ADAR: variants seen among roughly 807,000 people sequenced by gnomAD.
ADAR encodes double-stranded RNA-specific adenosine deaminase.
In ADAR, 41 loss-of-function variants were observed where a neutral mutation model predicts 113.2. The ratio of observed to expected loss-of-function variants is 0.36; its 90% CI spans 0.28 to 0.47. ADAR has a LOEUF of 0.47. ADAR is among the 20% of genes least tolerant of loss of function. ADAR has a pLI of 1.00. For missense variants in ADAR, 1,242 were observed against 1,540.9 expected, an observed-to-expected ratio of 0.81 and a Z score of 3.25; for synonymous variants, 605 against 572.6, an observed-to-expected ratio of 1.06 and a Z score of -0.81.
At chr1:154,625,091 C>T (rs1442121813) in intron 1 of ADAR, among the ~76,000 whole-genome samples, 4 of 152,180 alleles carry the variant, frequency 2.6e-5, no homozygotes, top group Non-Finnish European at 4.4e-5. Flanking sequence ...GCACAGTGTA[C>T]CCATGAGCCT....
chr1:154,602,202 AG>A lies in ADAR; in HGVS notation c.439del (p.Leu147TrpfsTer65), dbSNP rs1226569632. On this transcript the variant is annotated frameshift_variant, in exon 2 of 15. Coordinates refer to ENST00000368474, the MANE Select transcript of ADAR (RefSeq NM_001111.5). LOFTEE classifies it high-confidence loss of function. ...QDQEQRILKFLEELGEGKATT... is the reference protein window; with the variant it reads ...QDQEQRILKFXEELGEGKATT... Reference sequence around the variant, plus strand: ...GGCCTTCCCTTCCCCAAGCTCTTCCAGGAACTTTAAGATCCTTTGTTCCTGA... The same window carrying A: ...GGCCTTCCCTTCCCCAAGCTCTTCCAGAACTTTAAGATCCTTTGTTCCTGA... 4 of 1,614,162 alleles carry A rather than the reference AG, an allele frequency of 2.5e-6. No homozygotes were observed. The highest frequency in any genetic ancestry group is 3.4e-6 in the Non-Finnish European group (4 of 1,180,026).
intron 9 of ADAR, 91 bp downstream of exon 9, chr1:154,589,278 G>A: frequency 1.0e-6 from 1 of 986,112 alleles, no homozygotes; most frequent in South Asian, 1.3e-5. Context: ...CTGTCTGAGG[G>A]GGATTCAGAG....
At chr1:154,627,825 G>A (rs1054030800) in intron 1 of ADAR, 1 of 516,892 alleles carries the variant, frequency 1.9e-6, no homozygotes, top group Non-Finnish European at 3.8e-6. Flanking sequence ...AGCCCAGGCA[G>A]GTGTAGCCGA....
chr1:154,598,374 T>C lies in ADAR; in HGVS notation c.1785+28A>G, dbSNP rs201449165. On this transcript the variant is annotated intron_variant, in intron 3 of 14. Coordinates refer to ENST00000368474, the MANE Select transcript of ADAR (RefSeq NM_001111.5). ...AATCCAGACACTGACAGGGAACTGA[T>C]CCTCCCAGATGGCAGGAGGACACCT... is the stretch of plus-strand genomic sequence containing the variant. 5.6e-5 allele frequency: 90 copies of C among 1,610,826 alleles called. No individual in the cohort carries two copies. The African/African-American group carries it at 1.2e-3, about 21-fold the overall frequency.
At chr1:154,615,222 T>G (rs1698600344) in intron 1 of ADAR, among the ~76,000 whole-genome samples, 1 of 152,172 alleles carries the variant, frequency 6.6e-6, no homozygotes, top group Non-Finnish European at 1.5e-5. Context: ...TTTGTGGTTA[T>G]TTTTTTACAG....
At chr1:154,592,525 C>T (rs565882960) in intron 6 of ADAR, among the ~76,000 whole-genome samples, 4 of 152,120 alleles carry the variant, frequency 2.6e-5, no homozygotes, top group East Asian at 1.9e-4. Flanking sequence ...AGAGTGCTGA[C>T]GCTGGAGGTG....
Position 154,608,126 on chromosome 1 carries a change from C to A in ADAR, c.-120G>T. The stretch of plus-strand genomic sequence containing the variant: ...CGCTACTCCGCACTGGAAGTGGCCC[C>A]GGGGCGTCGGCACGGGAAACTCCGC... On this transcript the variant is annotated 5_prime_UTR_variant, in exon 1 of 15. Transcript: ENST00000368474. The A allele has an allele frequency of 7.7e-7, 1 of 1,301,974 alleles. No homozygotes were observed. Among genetic ancestry groups the A allele is most frequent in the South Asian group, 1.7e-5 (1 of 60,532 alleles). 80.7% of individuals were successfully genotyped at this position (1,301,974 alleles called of 1,614,324 possible).
Position 154,608,148 on chromosome 1 carries a change from C to A in ADAR, c.-142G>T. Reference sequence around the variant, plus strand: ...CCCCGGGGCGTCGGCACGGGAAACTCCGCGGGTCTGCGCGCCGGGCCCAAG... The same window carrying A: ...CCCCGGGGCGTCGGCACGGGAAACTACGCGGGTCTGCGCGCCGGGCCCAAG... On this transcript the variant is annotated 5_prime_UTR_variant, in exon 1 of 15. Coordinates refer to ENST00000368474, the MANE Select transcript of ADAR (RefSeq NM_001111.5). The A allele has an allele frequency of 9.2e-7, 1 of 1,089,862 alleles. No homozygotes were observed. The highest frequency in any genetic ancestry group is 1.8e-5 in the South Asian group (1 of 54,386). The allele number at this position is 1,089,862 out of a possible 1,614,324, so 67.5% of individuals were successfully genotyped here.
chr1:154,600,810 CAG>C (rs1411586001), intron 2 of ADAR: 1 of 615,404 alleles, frequency 1.6e-6, no homozygotes, highest in African/African-American at 1.8e-5. Flanking sequence ...TTACAGCCAA[CAG>C]AGTCAACCTC....
chr1:154,610,064 T>C (rs1698433884), upstream of ADAR, among the ~76,000 whole-genome samples: 1 of 152,138 alleles, frequency 6.6e-6, no homozygotes, highest in Admixed American at 6.5e-5. Context: ...ATCAAACATA[T>C]GAAAAGGTTC....
At chr1:154,626,367 G>C (rs1270460091) in intron 1 of ADAR, among the ~76,000 whole-genome samples, 1 of 151,886 alleles carries the variant, frequency 6.6e-6, no homozygotes, top group African/African-American at 2.4e-5. Flanking sequence ...CACCTGCCTC[G>C]GCCTCCCAAA....
At chr1:154,600,642 T>C in intron 2 of ADAR, 1 of 272,758 alleles carries the variant, frequency 3.7e-6, no homozygotes, top group Non-Finnish European at 7.2e-6. Context: ...CCCAGCTAAT[T>C]TTTGTATTTT....
upstream of ADAR, among the ~76,000 whole-genome samples, chr1:154,610,830 A>AAAAAAAAAAAAAAAAAAAAC (rs1698463666): frequency 1.4e-5 from 2 of 141,766 alleles, no homozygotes; most frequent in Non-Finnish European, 3.0e-5. Flanking sequence ...AAAAGAAAAA[A>AAAAAAAAAAAAAAAAAAAAC]AAAAAAAAAA....
intron 7 of ADAR, 44 bp downstream of exon 7, chr1:154,590,140 G>GGGGGGGCC: frequency 7.3e-7 from 1 of 1,373,186 alleles, no homozygotes; most frequent in Non-Finnish European, 1.0e-6. Flanking sequence ...GAGTTAGGAG[G>GGGGGGGCC]ACCCCCCCGC....
intron 5 of ADAR, 63 bp from the exon 6 acceptor site, chr1:154,597,058 T>C (rs1697550196): frequency 8.7e-6 from 14 of 1,613,976 alleles, no homozygotes; most frequent in Non-Finnish European, 1.1e-5. Flanking sequence ...AGGGAGTCAC[T>C]GGCAATCTTA....
chr1:154,611,820 T>C (rs1321368403), upstream of ADAR, among the ~76,000 whole-genome samples: 2 of 152,240 alleles, frequency 1.3e-5, no homozygotes, highest in Non-Finnish European at 2.9e-5. Flanking sequence ...AGTTACTGTC[T>C]AAAAATGAAG....
At chr1:154,606,553 C>G (rs1232618878) in intron 1 of ADAR, among the ~76,000 whole-genome samples, 1 of 152,088 alleles carries the variant, frequency 6.6e-6, no homozygotes, top group Non-Finnish European at 1.5e-5. Flanking sequence ...CTAAGGATAT[C>G]TTAGGGCAGT....
At chr1:154,599,914 G>T (rs1697750509) in intron 2 of ADAR, among the ~76,000 whole-genome samples, 1 of 152,196 alleles carries the variant, frequency 6.6e-6, no homozygotes, top group African/African-American at 2.4e-5. Context: ...AGGCAGCCGT[G>T]CACACGCTCC....
rs115161953 is a variant in ADAR at position 154,590,019 on chromosome 1, G to A, written c.2497-91C>T. 1.8e-3 allele frequency: 2,762 copies of A among 1,546,946 alleles called. 32 individuals are homozygous for A. In the African/African-American group the frequency reaches 0.032, roughly 18 times the overall value. ...GCAGGGAGATCAAGCTCTACTTGTC[G>A]TGTGAGTCATCTTTTCCTTCTTACA... On this transcript the variant is annotated intron_variant, in intron 7 of 14. Coordinates refer to ENST00000368474, the MANE Select transcript of ADAR (RefSeq NM_001111.5).
Sources: gnomAD v4.1 joint callset for allele counts (sites outside exome capture counted in the v4.1 genomes callset) on GRCh38, gnomAD v4.1.1 for gene constraint, MANE v1.5 for transcripts, NCBI Gene and HGNC (gene_info 2026-07-23, HGNC 2026-07-21) for gene names.